Variants in ANKRD7 observed in about 807,000 individuals in gnomAD.
The protein encoded by ANKRD7 is ankyrin repeat domain-containing protein 7.
Under a neutral mutation model 30.8 loss-of-function variants are expected in ANKRD7, and 30 were observed. The ratio of observed to expected loss-of-function variants is 0.97; its 90% CI spans 0.73 to 1.32. The LOEUF (loss-of-function observed/expected upper bound fraction) is 1.32, where lower values mean the gene tolerates loss of function less well. ANKRD7 is among the 40% of genes most tolerant of loss of function. The pLI is 0.00. For missense variants in ANKRD7, 264 were observed against 295.7 expected (o/e 0.89, Z 0.79); for synonymous variants, 97 against 106.6 (o/e 0.91, Z 0.55).
chr7:118,238,435 C>T (rs919380888), intron 5 of ANKRD7, among the ~76,000 whole-genome samples: 3 of 152,032 alleles, frequency 2.0e-5, no homozygotes, highest in African/African-American at 7.2e-5. Flanking sequence ...ACAATCTTGT[C>T]CTTTCACAGT....
chr7:118,232,382 A>T, intron 1 of ANKRD7, among the ~76,000 whole-genome samples: 1 of 152,016 alleles, frequency 6.6e-6, no homozygotes, highest in East Asian at 1.9e-4. Context: ...TGCAAGATTG[A>T]CGGTTTGAGT....
rs754620842 is a variant in ANKRD7, at chr7:118,234,693, ATTAACAGGCAGTACAGTGT to A, written c.295-7_306del. The A allele has an allele frequency of 5.0e-6, 8 of 1,599,998 alleles. No homozygotes were observed. In the Admixed American group the frequency reaches 1.4e-4, roughly 28 times the overall value. ...TTGGTTACTCATCTACTCTTGTTGC[ATTAACAGGCAGTACAGTGT>A]CAAAATGAGGATTGTGCTACTATTC... is the stretch of plus-strand genomic sequence containing the variant. On this transcript the variant is annotated splice_acceptor_variant and splice_polypyrimidine_tract_variant and coding_sequence_variant and intron_variant, in exon 3 of 7. Transcript: ENST00000265224. LOFTEE classifies it high-confidence loss of function.
intron 1 of ANKRD7, among the ~76,000 whole-genome samples, chr7:118,225,277 A>G (rs1163552342): frequency 6.6e-6 from 1 of 152,110 alleles, no homozygotes; most frequent in Non-Finnish European, 1.5e-5. Flanking sequence ...TCCTGAGGTC[A>G]GGAGTTTGAG....
intron 1 of ANKRD7, 52 bp from the exon 2 acceptor site, chr7:118,234,379 C>A: frequency 7.7e-6 from 10 of 1,291,272 alleles, no homozygotes; most frequent in Non-Finnish European, 1.1e-5. Context: ...AAACAAGTAA[C>A]TTCTCAAACG....
chr7:118,234,731 A>T lies in ANKRD7; in HGVS notation c.325A>T (p.Thr109Ser), dbSNP rs775620680. 5.6e-6 allele frequency: 9 copies of T among 1,611,624 alleles called. No homozygotes were observed. The highest frequency in any genetic ancestry group is 6.8e-6 in the Non-Finnish European group (8 of 1,179,340). ...AVQCQNEDCATILLNFGADPD... is the reference protein window; with the variant it reads ...AVQCQNEDCASILLNFGADPD... ...ACAGTGTCAAAATGAGGATTGTGCTACTATTCTTCTAAACTTTGGTGCAGA... is the reference window on the plus strand; with the variant it reads ...ACAGTGTCAAAATGAGGATTGTGCTTCTATTCTTCTAAACTTTGGTGCAGA... The change falls in exon 3 of 7, where the codon ACT becomes TCT. Residue 109 changes from threonine (T) to serine (S), a missense_variant. Coordinates refer to ENST00000265224, the MANE Select transcript of ANKRD7 (RefSeq NM_019644.4).
chr7:118,241,451 A>G (rs1809842065), intron 6 of ANKRD7, among the ~76,000 whole-genome samples: 1 of 150,794 alleles, frequency 6.6e-6, no homozygotes, highest in Non-Finnish European at 1.5e-5. Flanking sequence ...TATAGTGATA[A>G]TGCTTACAAC....
chr7:118,234,864 C>T lies in ANKRD7; in HGVS notation c.458C>T (p.Ala153Val), dbSNP rs765676040. The T allele has an allele frequency of 2.5e-6, 4 of 1,588,628 alleles. No individual in the cohort carries two copies. The highest frequency in any genetic ancestry group is 2.3e-5 in the South Asian group (2 of 85,866). Residue 153 changes from alanine (A) to valine (V), a missense_variant, in exon 3 of 7, where the codon GCG becomes GTG. By Grantham distance (64) the Ala-to-Val change is moderately conservative. Coordinates refer to ENST00000265224, the MANE Select transcript of ANKRD7 (RefSeq NM_019644.4). ...CTTGAATACGAAGCTGATCTTGAAG[C>T]GAAAAATAAGGTAGTTTTCTATTAA... Reference protein sequence around the residue: ...KLLEYEADLEAKNKDGYTPLL... With the variant: ...KLLEYEADLEVKNKDGYTPLL...
intron 1 of ANKRD7, among the ~76,000 whole-genome samples, chr7:118,232,799 G>A (rs1809664215): frequency 6.6e-6 from 1 of 151,504 alleles, no homozygotes; most frequent in East Asian, 1.9e-4. Flanking sequence ...TGGAGGGAGA[G>A]GCAGATCTAA....
chr7:118,229,433 CAT>C (rs1809596502), intron 1 of ANKRD7, among the ~76,000 whole-genome samples: 1 of 152,086 alleles, frequency 6.6e-6, no homozygotes, highest in African/African-American at 2.4e-5. Flanking sequence ...CAGGTATTCA[CAT>C]ATGTTTTGTT....
Position 118,239,873 on chromosome 7 carries a change from A to G in ANKRD7, c.713-36A>G, listed in dbSNP as rs367864583. On this transcript the variant is annotated intron_variant, in intron 5 of 6. Transcript: ENST00000265224. ...CTTATATGTTAGGAATTAAATTTCT[A>G]TGCATGCTGGCATTCACACGTAATT... 320 of 1,391,836 alleles carry G rather than the reference A, an allele frequency of 2.3e-4. No homozygotes were observed. The African/African-American group carries it at 3.9e-3, about 17-fold the overall frequency. 86.2% of individuals were successfully genotyped at this position (1,391,836 alleles called of 1,614,324 possible).
intron 1 of ANKRD7, chr7:118,227,802 C>A: frequency 9.1e-7 from 1 of 1,095,792 alleles, no homozygotes; most frequent in Non-Finnish European, 1.2e-6. Flanking sequence ...TGGGAGTTTT[C>A]AAGTCATAGG....
rs1335544767 is a variant in ANKRD7, at chr7:118,242,507, G to A, written c.*196G>A. ...GGATTTTTTTTTTTTCACGTTAGAA[G>A]ACATGAAGAAATTTTAAAAGATAAA... On this transcript the variant is annotated 3_prime_UTR_variant, in exon 7 of 7. Coordinates refer to ENST00000265224, the MANE Select transcript of ANKRD7 (RefSeq NM_019644.4). 3 of 151,036 alleles carry A rather than the reference G, an allele frequency of 2.0e-5. No homozygotes were observed. 9.4% of individuals were successfully genotyped at this position (151,036 alleles called of 1,614,324 possible).
At chr7:118,229,605 T>C (rs1400927422) in intron 1 of ANKRD7, among the ~76,000 whole-genome samples, 2 of 152,126 alleles carry the variant, frequency 1.3e-5, no homozygotes, top group Non-Finnish European at 2.9e-5. Context: ...ATTATGGATA[T>C]ATGCAAAAAT....
chr7:118,225,297 G>T (rs558013087), intron 1 of ANKRD7, among the ~76,000 whole-genome samples: 4 of 152,074 alleles, frequency 2.6e-5, no homozygotes, highest in Non-Finnish European at 5.9e-5. Flanking sequence ...GACCAGCCTG[G>T]CCAACATGGC....
intron 3 of ANKRD7, among the ~76,000 whole-genome samples, chr7:118,235,408 C>G (rs1033470281): frequency 6.6e-6 from 1 of 151,934 alleles, no homozygotes; most frequent in African/African-American, 2.4e-5. Context: ...GTCAGGAGAT[C>G]GAGACCATCC....
intron 1 of ANKRD7, among the ~76,000 whole-genome samples, chr7:118,227,060 C>T (rs1809555656): frequency 6.6e-6 from 1 of 151,960 alleles, no homozygotes; most frequent in African/African-American, 2.4e-5. Context: ...CTTTTTCTTT[C>T]TTACTGTCTT....
At chr7:118,225,502 A>T (rs533202222) in intron 1 of ANKRD7, among the ~76,000 whole-genome samples, 3 of 151,902 alleles carry the variant, frequency 2.0e-5, no homozygotes, top group African/African-American at 7.3e-5. Flanking sequence ...AAAAAAAAAA[A>T]ATTGCTTGCT....
intron 1 of ANKRD7, among the ~76,000 whole-genome samples, chr7:118,229,851 T>C (rs1809604952): frequency 6.6e-6 from 1 of 152,008 alleles, no homozygotes; most frequent in Non-Finnish European, 1.5e-5. Flanking sequence ...TGGGTTTTAC[T>C]CCAGGTGTAC....
At position 118,234,483 on chromosome 7, in the gene ANKRD7, C is replaced by T; in HGVS notation, c.232C>T (p.Leu78=). 6.2e-7 allele frequency: 1 copy of T among 1,613,208 alleles called. No homozygotes were observed. The part of the protein sequence containing the change: ...ANGHTDVVLF[L]IEQQCKINVR... ...TGGACATACAGATGTTGTACTTTTCCTAATTGAGCAACAATGCAAAATAAA... is the reference window on the plus strand; with the variant it reads ...TGGACATACAGATGTTGTACTTTTCTTAATTGAGCAACAATGCAAAATAAA... Residue 78 remains leucine, a synonymous_variant, in exon 2 of 7, where the codon CTA becomes TTA. Coordinates refer to ENST00000265224, the MANE Select transcript of ANKRD7 (RefSeq NM_019644.4).
Sources: gnomAD v4.1 joint callset for allele counts (sites outside exome capture counted in the v4.1 genomes callset) on GRCh38, gnomAD v4.1.1 for gene constraint, MANE v1.5 for transcripts, NCBI Gene and HGNC (gene_info 2026-07-23, HGNC 2026-07-21) for gene names.